Variants in TMEM132D observed in about 807,000 individuals in gnomAD.
The protein encoded by TMEM132D is transmembrane protein 132D, also known as mature OL transmembrane protein.
Under a neutral mutation model 62.3 loss-of-function variants are expected in TMEM132D, and 21 were observed. That is an observed-to-expected ratio of 0.34 (90% confidence interval 0.24 to 0.49). TMEM132D has a LOEUF of 0.49. Ranked by LOEUF, TMEM132D falls within the 20% of genes least tolerant of loss-of-function variation. The pLI is 0.99. For missense variants in TMEM132D, 1,346 were observed against 1,402.8 expected, an observed-to-expected ratio of 0.96 and a Z score of 0.65; for synonymous variants, 621 against 575.6, an observed-to-expected ratio of 1.08 and a Z score of -1.13.
chr12:129,820,643 A>G (rs1412051276), intron 1 of TMEM132D, among the ~76,000 whole-genome samples: 2 of 152,224 alleles, frequency 1.3e-5, no homozygotes, highest in Non-Finnish European at 2.9e-5. Flanking sequence ...AATATATGGG[A>G]TGAACGGTTC....
chr12:129,081,926 C>G lies in TMEM132D; in HGVS notation c.1756G>C (p.Glu586Gln), dbSNP rs1404850123. The G allele has an allele frequency of 6.2e-7, 1 of 1,614,086 alleles. No homozygotes were observed. ...MVRVLTQFVA[E>Q]AAGPGGHLAH... ...AGGTGTCCCCCAGGGCCGGCCGCCT[C>G]AGCCACAAACTGCGTCAGGACCCGC... The change falls in exon 7 of 9, where the codon GAG becomes CAG. Residue 586 changes from glutamate to glutamine, a missense_variant. By Grantham distance (29) the Glu-to-Gln change is conservative. Transcript: ENST00000422113.
intron 2 of TMEM132D, among the ~76,000 whole-genome samples, chr12:129,542,372 A>G (rs1293230462): frequency 6.6e-6 from 1 of 152,214 alleles, no homozygotes; most frequent in East Asian, 1.9e-4. Context: ...AAATATACTT[A>G]TTTAATTAAA....
At chr12:129,550,875 G>C (rs2137105572) in intron 2 of TMEM132D, among the ~76,000 whole-genome samples, 1 of 152,276 alleles carries the variant, frequency 6.6e-6, no homozygotes, top group South Asian at 2.1e-4. Context: ...AGGAGGAGGA[G>C]GAAAGCTTGT....
At chr12:129,203,546 G>A (rs4964854) in intron 5 of TMEM132D, among the ~76,000 whole-genome samples, 142,140 of 152,220 alleles carry the variant, frequency 0.93, 66,475 homozygotes, top group East Asian at 0.96. Context: ...GCCACTGGTA[G>A]CCAGGCAAGC....
intron 2 of TMEM132D, among the ~76,000 whole-genome samples, chr12:129,635,657 G>C (rs763545205): frequency 2.0e-5 from 3 of 152,276 alleles, no homozygotes; most frequent in Middle Eastern, 3.4e-3. Context: ...GTCCAAGCAA[G>C]TTTTAGTTAA....
chr12:129,141,345 G>T (rs186203826), intron 5 of TMEM132D, among the ~76,000 whole-genome samples: 8 of 152,242 alleles, frequency 5.3e-5, no homozygotes, highest in African/African-American at 1.9e-4. Context: ...TAATGCTGTG[G>T]CTGTCCATGT....
intron 4 of TMEM132D, among the ~76,000 whole-genome samples, chr12:129,267,523 T>G (rs1041520011): frequency 4.6e-5 from 7 of 152,156 alleles, no homozygotes; most frequent in Admixed American, 2.6e-4. Flanking sequence ...CACTGCTCAA[T>G]GAAATAAGAG....
At chr12:129,075,733 C>T (rs1874231541) in intron 8 of TMEM132D, among the ~76,000 whole-genome samples, 1 of 152,214 alleles carries the variant, frequency 6.6e-6, no homozygotes, top group Admixed American at 6.5e-5. Flanking sequence ...CCACCCAACC[C>T]AACTGGAGGA....
Position 129,799,850 on chromosome 12 carries a change from G to A in TMEM132D, c.80-99152C>T, listed in dbSNP as rs117773379. Among the ~76,000 whole-genome samples, 1,515 of 152,206 alleles carry A rather than the reference G, an allele frequency of 1.0e-2. 10 individuals are homozygous for A. The highest frequency in any genetic ancestry group is 0.02 in the South Asian group (95 of 4,820). ...GGGGCTTGTCCTCTGAAGATCTCGCGTGTTAGACAGCTCTGCAGCCTGGGG... is the reference window on the plus strand; with the variant it reads ...GGGGCTTGTCCTCTGAAGATCTCGCATGTTAGACAGCTCTGCAGCCTGGGG... On this transcript the variant is annotated intron_variant, in intron 1 of 8. Transcript: ENST00000422113.
At chr12:129,868,651 A>T (rs1874145293) in intron 1 of TMEM132D, among the ~76,000 whole-genome samples, 1 of 152,198 alleles carries the variant, frequency 6.6e-6, no homozygotes, top group African/African-American at 2.4e-5. Flanking sequence ...TGCCATCTGC[A>T]CATTCAGGTG....
chr12:129,173,476 G>T (rs1318153402), intron 5 of TMEM132D, among the ~76,000 whole-genome samples: 1 of 152,172 alleles, frequency 6.6e-6, no homozygotes, highest in Non-Finnish European at 1.5e-5. Context: ...TTTGTCCAAA[G>T]TCATGCTTTT....
intron 1 of TMEM132D, among the ~76,000 whole-genome samples, chr12:129,838,865 CCA>C (rs1172951580): frequency 6.6e-6 from 1 of 152,094 alleles, no homozygotes; most frequent in African/African-American, 2.4e-5. Context: ...AACTGATATT[CCA>C]CACACTGCTA....
At chr12:129,773,297 A>G (rs560417750) in intron 1 of TMEM132D, among the ~76,000 whole-genome samples, 1 of 152,366 alleles carries the variant, frequency 6.6e-6, no homozygotes, top group African/African-American at 2.4e-5. Flanking sequence ...CAATGGAGTG[A>G]AATGGAACAC....
chr12:129,650,882 C>T (rs1463270274), intron 2 of TMEM132D, among the ~76,000 whole-genome samples: 2 of 152,142 alleles, frequency 1.3e-5, no homozygotes, highest in Non-Finnish European at 2.9e-5. Context: ...AAGACTACTA[C>T]CTTATTTGCA....
At chr12:129,834,813 CT>C (rs1473062142) in intron 1 of TMEM132D, among the ~76,000 whole-genome samples, 2 of 152,226 alleles carry the variant, frequency 1.3e-5, no homozygotes, top group Non-Finnish European at 2.9e-5. Flanking sequence ...TCCCCACAGG[CT>C]GCACATTGGG....
At chr12:129,382,133 T>A (rs1211082965) in intron 3 of TMEM132D, among the ~76,000 whole-genome samples, 1 of 152,218 alleles carries the variant, frequency 6.6e-6, no homozygotes, top group Non-Finnish European at 1.5e-5. Flanking sequence ...AAAAATAATT[T>A]AAATTCAGCA....
At chr12:129,507,528 TA>T (rs34383197) in intron 3 of TMEM132D, among the ~76,000 whole-genome samples, 1,743 of 152,268 alleles carry the variant, frequency 0.011, 29 homozygotes, top group African/African-American at 0.04. Flanking sequence ...TACTCAGCCA[TA>T]AGAAGTAATG....
intron 3 of TMEM132D, among the ~76,000 whole-genome samples, chr12:129,385,490 G>C (rs2135690147): frequency 6.6e-6 from 1 of 152,210 alleles, no homozygotes; most frequent in Middle Eastern, 3.4e-3. Flanking sequence ...TATTCCCAGT[G>C]ACCTGAAAAT....
At chr12:129,659,693 G>A (rs1880187089) in intron 2 of TMEM132D, among the ~76,000 whole-genome samples, 1 of 151,918 alleles carries the variant, frequency 6.6e-6, no homozygotes, top group Non-Finnish European at 1.5e-5. Flanking sequence ...ATATTTTAAT[G>A]GCTCTTGCAA....
Sources: gnomAD v4.1 joint callset for allele counts (sites outside exome capture counted in the v4.1 genomes callset) on GRCh38, gnomAD v4.1.1 for gene constraint, MANE v1.5 for transcripts, NCBI Gene and HGNC (gene_info 2026-07-23, HGNC 2026-07-21) for gene names.